ANK1: variants seen among roughly 807,000 people sequenced by gnomAD.
ANK1 encodes ankyrin 1, also known as ankyrin-1.
In ANK1, 51 loss-of-function variants were observed where a neutral mutation model predicts 210.4. The observed-to-expected ratio is 0.24, with a 90% CI of 0.19 to 0.31. ANK1 has a LOEUF of 0.31. Among genes scored for constraint, ANK1 ranks in the 10% least tolerant of loss-of-function variants. The probability of loss-of-function intolerance (pLI) is 1.00; values close to 1 mark genes in which losing one functional copy is unlikely to be tolerated. For missense variants in ANK1, 2,051 were observed against 2,504.4 expected (o/e 0.82, Z 3.86); for synonymous variants, 967 against 1,025.9 (o/e 0.94, Z 1.10).
At chr8:41,664,439 T>C (rs1258650034) in intron 39 of ANK1, among the ~76,000 whole-genome samples, 1 of 152,070 alleles carries the variant, frequency 6.6e-6, no homozygotes, top group African/African-American at 2.4e-5. Flanking sequence ...GCCATGAGCA[T>C]GCCACTGCAC....
chr8:41,671,888 G>A (rs1812500883), intron 38 of ANK1, among the ~76,000 whole-genome samples: 1 of 141,144 alleles, frequency 7.1e-6, no homozygotes, highest in African/African-American at 2.7e-5. Context: ...ATGTCCCTGA[G>A]TCCTCCCGGT....
At chr8:41,819,445 C>G (rs1360157368) in intron 1 of ANK1, among the ~76,000 whole-genome samples, 1 of 152,180 alleles carries the variant, frequency 6.6e-6, no homozygotes. Context: ...CACAGACAGA[C>G]GAAGAAAGCT....
At chr8:41,850,905 C>A (rs556342157) in intron 1 of ANK1, among the ~76,000 whole-genome samples, 5 of 152,232 alleles carry the variant, frequency 3.3e-5, no homozygotes, top group Non-Finnish European at 7.3e-5. Flanking sequence ...GCAAAGCTCA[C>A]GTGCATGTCA....
At chr8:41,875,360 G>A (rs1816358931) in intron 1 of ANK1, among the ~76,000 whole-genome samples, 1 of 152,220 alleles carries the variant, frequency 6.6e-6, no homozygotes, top group South Asian at 2.1e-4. Flanking sequence ...CAAAGAATGG[G>A]TCAGCATGGA....
Position 41,695,209 on chromosome 8 carries a change from T to G in ANK1, c.3083A>C (p.Tyr1028Ser), listed in dbSNP as rs753129477. Residue 1028 changes from tyrosine to serine, a missense_variant, in exon 27 of 43, where the codon TAC becomes TCC. By Grantham distance (144) the Tyr-to-Ser change is moderately radical. Transcript: ENST00000289734. ...KEHRSRYGESYLDQILNGMDE... is the reference protein window; with the variant it reads ...KEHRSRYGESSLDQILNGMDE... ...CATCCCGTTGAGGATCTGATCCAGG[T>G]AGCTCTCTCCATAGCGGCTCCTGTG... is the stretch of plus-strand genomic sequence containing the variant. 1.2e-6 allele frequency: 2 copies of G among 1,614,126 alleles called. No individual in the cohort carries two copies. The highest frequency in any genetic ancestry group is 1.7e-5 in the Admixed American group (1 of 60,034).
In ANK1 at chr8:41,813,285, G is replaced by A. The variant is rs77665769; in HGVS notation, c.127-55148C>T. Among the ~76,000 whole-genome samples, 860 of 152,272 alleles carry A rather than the reference G, an allele frequency of 5.6e-3. 10 individuals are homozygous for A. The highest frequency in any genetic ancestry group is 0.02 in the African/African-American group (836 of 41,568). On this transcript the variant is annotated intron_variant, in intron 1 of 42. Coordinates refer to the ANK1 transcript ENST00000265709. ...ATCAGGTCATCTGGCTTCAGCTTGC[G>A]GGGCTTCTGGAAAAGGACAGCTTTT... is the stretch of plus-strand genomic sequence containing the variant.
chr8:41,815,594 C>CA (rs1415369155), intron 1 of ANK1, among the ~76,000 whole-genome samples: 17 of 151,800 alleles, frequency 1.1e-4, no homozygotes, highest in Admixed American at 6.6e-4. Flanking sequence ...TTTCCCTCTA[C>CA]AAAAAAAACC....
chr8:41,740,518 G>A (rs1180973182), intron 2 of ANK1, among the ~76,000 whole-genome samples: 1 of 152,066 alleles, frequency 6.6e-6, no homozygotes, highest in Non-Finnish European at 1.5e-5. Context: ...CCCTCCCCTA[G>A]GAGTCCCAAG....
intron 20 of ANK1, among the ~76,000 whole-genome samples, chr8:41,703,567 T>G (rs1823671115): frequency 1.3e-5 from 2 of 150,736 alleles, no homozygotes. Context: ...CACTGCAGCC[T>G]TGACCTCCCG....
At chr8:41,749,189 T>C (rs1050021200) in intron 2 of ANK1, among the ~76,000 whole-genome samples, 7 of 152,248 alleles carry the variant, frequency 4.6e-5, no homozygotes, top group African/African-American at 1.4e-4. Context: ...GGCACGAATT[T>C]ATTCATTTTG....
At position 41,723,278 on chromosome 8, in the gene ANK1, T is replaced by C. The variant is rs1586461521; in HGVS notation, c.811-55A>G. On this transcript the variant is annotated intron_variant, in intron 8 of 42. Transcript: ENST00000289734. Reference sequence around the variant, plus strand: ...CCCAAAAGGCAGCTATCAGAGGCCATTTGGAGAGAAGACTGCCTATGGCAT... The same window carrying C: ...CCCAAAAGGCAGCTATCAGAGGCCACTTGGAGAGAAGACTGCCTATGGCAT... 8.9e-6 allele frequency: 14 copies of C among 1,580,142 alleles called. No individual in the cohort carries two copies. In the East Asian group the frequency reaches 3.1e-4, roughly 35 times the overall value.
rs112954712 is a variant in ANK1, at chr8:41,790,144, C to CTT, written c.27+7366_27+7367dup. 1.1e-3 allele frequency among the ~76,000 whole-genome samples: 144 copies of CTT among 136,964 alleles called. 1 individual carries two copies. The East Asian group carries it at 0.028, about 26-fold the overall frequency. The allele number at this position is 136,964 out of a possible 152,430, so 89.9% of individuals were successfully genotyped here. A position where few individuals can be genotyped will look rare whatever the true frequency, so the allele number is the denominator to read the frequency against. On this transcript the variant is annotated intron_variant, in intron 1 of 42. Coordinates refer to ENST00000289734, the MANE Select transcript of ANK1 (RefSeq NM_000037.4). ...GGTATCTGACCACTTGGAAAGGAAT[C>CTT]TTTTTTTTTTTTTTTTTCAGAGACA...
intron 1 of ANK1, among the ~76,000 whole-genome samples, chr8:41,863,633 T>A (rs1390320640): frequency 6.6e-6 from 1 of 152,234 alleles, no homozygotes; most frequent in African/African-American, 2.4e-5. Flanking sequence ...TTTGGGTTGG[T>A]TAAAGCCTAA....
At chr8:41,736,867 C>T (rs959819014) in intron 2 of ANK1, among the ~76,000 whole-genome samples, 8 of 152,210 alleles carry the variant, frequency 5.3e-5, no homozygotes, top group African/African-American at 1.4e-4. Context: ...ACCCTTTCAT[C>T]TGCAGCTGAG....
At position 41,694,783 on chromosome 8, in the gene ANK1, G is replaced by A; in HGVS notation, c.3136C>T (p.Leu1046=). 6 of 1,614,102 alleles carry A rather than the reference G, an allele frequency of 3.7e-6. No individual in the cohort carries two copies. The highest frequency in any genetic ancestry group is 5.1e-6 in the Non-Finnish European group (6 of 1,180,006). ...ATTCGGCACACCCTCTTCTTCTCTA[G>A]CTCCTCCAGGCTCCCCAGCTCTGGA... The part of the protein sequence containing the change: ...MDEELGSLEE[L]EKKRVCRIIT... The change falls in exon 28 of 43, where the codon CTA becomes TTA. Residue 1046 remains leucine (L), a synonymous_variant. Coordinates refer to ENST00000289734, the MANE Select transcript of ANK1 (RefSeq NM_000037.4). This position sits in a 1 kb window ranked among gnomAD's most constrained non-coding sequence, Gnocchi z 5.7.
At chr8:41,880,101 T>C (rs151266963) in intron 1 of ANK1, among the ~76,000 whole-genome samples, 228 of 152,304 alleles carry the variant, frequency 1.5e-3, no homozygotes, top group Middle Eastern at 0.01. Flanking sequence ...AGAATGATTT[T>C]TACATTTTTA....
At chr8:41,752,860 T>A (rs1172814535) in intron 2 of ANK1, among the ~76,000 whole-genome samples, 7 of 150,936 alleles carry the variant, frequency 4.6e-5, no homozygotes, top group Non-Finnish European at 1.0e-4. Flanking sequence ...AGTGAGACCC[T>A]TTAAAGCACA....
At position 41,704,283 on chromosome 8, in the gene ANK1, A is replaced by G. The variant is rs776430337; in HGVS notation, c.2196+91T>C. ...TTCTTCCTTCAGGGTCCATGGTCAA[A>G]ACCCTAGTGCTCCCAGAGCAGCTCT... On this transcript the variant is annotated intron_variant, in intron 19 of 42. Transcript: ENST00000289734. This position sits in a 1 kb window ranked among gnomAD's most constrained non-coding sequence, Gnocchi z 4.1. 144 of 1,438,748 alleles carry G rather than the reference A, an allele frequency of 1.0e-4. No homozygotes were observed. Among genetic ancestry groups the G allele is most frequent in the Non-Finnish European group, 1.3e-4 (134 of 1,022,536 alleles). 89.1% of individuals were successfully genotyped at this position (1,438,748 alleles called of 1,614,324 possible).
intron 1 of ANK1, among the ~76,000 whole-genome samples, chr8:41,792,323 G>A (rs954830896): frequency 2.0e-5 from 3 of 152,168 alleles, no homozygotes; most frequent in Non-Finnish European, 4.4e-5. Flanking sequence ...GAGAAACCTC[G>A]TCCGGCAGGG....
Sources: allele counts gnomAD v4.1 joint callset (sites outside exome capture counted in the v4.1 genomes callset), GRCh38; gene constraint gnomAD v4.1.1; non-coding constraint Gnocchi (gnomAD v3.1); transcripts MANE v1.5; gene names NCBI Gene and HGNC (gene_info 2026-07-23, HGNC 2026-07-21).